TRABD2B: variants seen among roughly 807,000 people sequenced by gnomAD.
TRABD2B encodes TraB domain containing 2B.
In TRABD2B, 14 loss-of-function variants were observed where a neutral mutation model predicts 40.1. That is an observed-to-expected ratio of 0.35 (90% CI 0.23 to 0.55). TRABD2B has a LOEUF of 0.55. Among genes scored for constraint, TRABD2B ranks in the 20% least tolerant of loss-of-function variants. The pLI is 0.90. For missense variants in TRABD2B, 541 were observed against 648.6 expected, an observed-to-expected ratio of 0.83 and a Z score of 1.80; for synonymous variants, 263 against 277.0, an observed-to-expected ratio of 0.95 and a Z score of 0.50.
intron 2 of TRABD2B, among the ~76,000 whole-genome samples, chr1:47,918,924 G>T (rs1644865042): frequency 6.6e-6 from 1 of 152,218 alleles, no homozygotes; most frequent in Non-Finnish European, 1.5e-5. Context: ...ACCACATCAG[G>T]AGCTAACAGA....
chr1:47,790,377 A>G (rs1644654638), intron 4 of TRABD2B, among the ~76,000 whole-genome samples: 1 of 152,300 alleles, frequency 6.6e-6, no homozygotes, highest in South Asian at 2.1e-4. Flanking sequence ...CACTGGCCAC[A>G]GCCACCTCCT....
At position 47,772,341 on chromosome 1, in the gene TRABD2B, CG is replaced by C. The variant is rs1644387710; in HGVS notation, c.1349+2828del. Among the ~76,000 whole-genome samples, 3 of 151,676 alleles carry C rather than the reference CG, an allele frequency of 2.0e-5. 1 individual carries two copies. Among genetic ancestry groups the C allele is most frequent in the Admixed American group, 1.3e-4 (2 of 15,246 alleles). On this transcript the variant is annotated intron_variant, in intron 6 of 6. Transcript: ENST00000606738. ...ACTCCAAGCAGAGAGAGGAGCAGGA[CG>C]AAGGTGTGGAGGTGGGACGGGGCAC...
chr1:47,786,843 G>T (rs1023484909), intron 4 of TRABD2B, among the ~76,000 whole-genome samples: 2 of 152,096 alleles, frequency 1.3e-5, no homozygotes, highest in Non-Finnish European at 2.9e-5. Flanking sequence ...GGGACTATAG[G>T]CATGCATCAC....
intron 2 of TRABD2B, among the ~76,000 whole-genome samples, chr1:47,951,268 C>A (rs1383326661): frequency 1.3e-5 from 2 of 152,234 alleles, no homozygotes; most frequent in African/African-American, 4.8e-5. Flanking sequence ...GAAACCCAAC[C>A]AAGGGGCCAG....
chr1:47,880,233 T>G (rs971986686), intron 2 of TRABD2B, among the ~76,000 whole-genome samples: 9 of 152,116 alleles, frequency 5.9e-5, no homozygotes, highest in African/African-American at 1.9e-4. Flanking sequence ...GGAGAATTGC[T>G]TGAGCCCAGG....
chr1:47,965,244 T>A (rs1192287641), intron 2 of TRABD2B, among the ~76,000 whole-genome samples: 1 of 18,792 alleles, frequency 5.3e-5, no homozygotes, highest in Non-Finnish European at 9.6e-5. Context: ...GATGGGGAGG[T>A]GGGGGGAAAG....
At chr1:47,990,817 AT>A in intron 2 of TRABD2B, among the ~76,000 whole-genome samples, 1 of 80,382 alleles carries the variant, frequency 1.2e-5, no homozygotes, top group Non-Finnish European at 2.4e-5. Flanking sequence ...ATATATATAT[AT>A]ATATATATAT....
chr1:47,926,966 A>G (rs574256704), intron 2 of TRABD2B, among the ~76,000 whole-genome samples: 1 of 152,354 alleles, frequency 6.6e-6, no homozygotes, highest in African/African-American at 2.4e-5. Context: ...CCCACAAACA[A>G]GTCCATGCAG....
chr1:47,922,880 G>T (rs1284351807), intron 2 of TRABD2B, among the ~76,000 whole-genome samples: 1 of 152,214 alleles, frequency 6.6e-6, no homozygotes, highest in East Asian at 1.9e-4. Context: ...GGACTCCCCT[G>T]TTTAAAACCC....
chr1:47,786,036 G>C, intron 4 of TRABD2B, among the ~76,000 whole-genome samples: 1 of 152,196 alleles, frequency 6.6e-6, no homozygotes, highest in East Asian at 1.9e-4. Context: ...GAGCTCTGAG[G>C]GGCCAGGGAC....
At chr1:47,837,685 T>C (rs992331922) in intron 2 of TRABD2B, among the ~76,000 whole-genome samples, 2 of 152,158 alleles carry the variant, frequency 1.3e-5, no homozygotes, top group African/African-American at 2.4e-5. Context: ...CGAGTCCTCC[T>C]GAAAACTCTG....
intron 2 of TRABD2B, among the ~76,000 whole-genome samples, chr1:47,908,436 T>G (rs1570263211): frequency 6.6e-6 from 1 of 152,218 alleles, no homozygotes; most frequent in African/African-American, 2.4e-5. Flanking sequence ...CAAGAAGTCC[T>G]CTGGGCCTCA....
chr1:47,994,745 G>A lies in TRABD2B; in HGVS notation c.103-148C>T. The A allele has an allele frequency of 1.2e-5, 8 of 686,886 alleles. No homozygotes were observed. The South Asian group carries it at 1.4e-4, about 12-fold the overall frequency. 42.5% of individuals were successfully genotyped at this position (686,886 alleles called of 1,614,324 possible). ...GTAAAGAGCCAGGTCTTTGGAGCCT[G>A]AAAGACCCACATTGAAAACCTAGCT... is the stretch of plus-strand genomic sequence containing the variant. On this transcript the variant is annotated intron_variant, in intron 1 of 6. Coordinates refer to ENST00000606738, the MANE Select transcript of TRABD2B (RefSeq NM_001194986.2). The surrounding 1 kb of genome is among the most constrained non-coding windows in gnomAD (Gnocchi z 6.7).
chr1:47,864,496 T>C (rs897378776), intron 2 of TRABD2B, among the ~76,000 whole-genome samples: 2 of 151,980 alleles, frequency 1.3e-5, no homozygotes, highest in African/African-American at 4.8e-5. Flanking sequence ...AAAAGGTCAA[T>C]AGTGTTGAGA....
intron 2 of TRABD2B, among the ~76,000 whole-genome samples, chr1:47,979,586 C>G (rs1296883704): frequency 2.0e-5 from 3 of 152,190 alleles, no homozygotes; most frequent in African/African-American, 7.2e-5. Context: ...CAAGGATCCT[C>G]CCATCCCCCA....
intron 2 of TRABD2B, among the ~76,000 whole-genome samples, chr1:47,927,591 G>A (rs1371386830): frequency 1.3e-5 from 2 of 152,134 alleles, no homozygotes; most frequent in Non-Finnish European, 2.9e-5. Context: ...AAACACTGAG[G>A]CCATAAAAAA....
At chr1:47,916,859 T>C (rs1410581455) in intron 2 of TRABD2B, among the ~76,000 whole-genome samples, 2 of 152,252 alleles carry the variant, frequency 1.3e-5, no homozygotes, top group African/African-American at 2.4e-5. Flanking sequence ...CCCCAGTGTA[T>C]GAACTGACTG....
chr1:47,977,090 C>T (rs1443703285), intron 2 of TRABD2B, among the ~76,000 whole-genome samples: 4 of 146,788 alleles, frequency 2.7e-5, no homozygotes, highest in East Asian at 2.0e-4. Flanking sequence ...TTTTTTCCCG[C>T]GAGACAGAGT....
intron 2 of TRABD2B, among the ~76,000 whole-genome samples, chr1:47,945,574 T>C (rs1368581848): frequency 1.3e-5 from 2 of 152,236 alleles, no homozygotes; most frequent in Non-Finnish European, 2.9e-5. Context: ...CCCTCTGTAG[T>C]AAACCCTCCC....
Sources: gnomAD v4.1 joint callset for allele counts (sites outside exome capture counted in the v4.1 genomes callset) on GRCh38, gnomAD v4.1.1 for gene constraint, Gnocchi (gnomAD v3.1) non-coding constraint, MANE v1.5 for transcripts, NCBI Gene and HGNC (gene_info 2026-07-23, HGNC 2026-07-21) for gene names.